Variants in ADAMTS12 observed in about 807,000 individuals in gnomAD.
ADAMTS12 encodes A disintegrin and metalloproteinase with thrombospondin motifs 12.
In ADAMTS12, 118 loss-of-function variants were observed where a neutral mutation model predicts 167.8. That is an observed-to-expected ratio of 0.70 (90% CI 0.61 to 0.82). The LOEUF (loss-of-function observed/expected upper bound fraction) is 0.82, where lower values mean the gene tolerates loss of function less well. Ranked by LOEUF, ADAMTS12 falls within the 40% of genes least tolerant of loss-of-function variation. The pLI, the probability that ADAMTS12 is intolerant of heterozygous loss-of-function variation, is 0.00. For missense variants in ADAMTS12, 1,916 were observed against 1,998.8 expected (o/e 0.96, Z 0.79); for synonymous variants, 704 against 716.9 (o/e 0.98, Z 0.29).
chr5:33,647,278 C>T (rs960596948), intron 9 of ADAMTS12, among the ~76,000 whole-genome samples: 2 of 152,148 alleles, frequency 1.3e-5, no homozygotes, highest in African/African-American at 4.8e-5. Context: ...AGATATTCTA[C>T]TCACAGGGGA....
At position 33,649,563 on chromosome 5, in the gene ADAMTS12, C is replaced by G; in HGVS notation, c.1325G>C (p.Arg442Pro). ...WSKCSEEYIT[R>P]FLDRGWGFCL... Reference sequence around the variant, plus strand: ...AGACACTGTCACTTACTCCAAGAAGCGGGTGATGTACTCCTCGCTGCACTT... The same window carrying G: ...AGACACTGTCACTTACTCCAAGAAGGGGGTGATGTACTCCTCGCTGCACTT... Residue 442 changes from arginine to proline, a missense_variant, in exon 8 of 24, where the codon CGC (arginine) becomes CCC (proline). By Grantham distance (103) the Arg-to-Pro change is moderately radical. Transcript: ENST00000504830. The G allele has an allele frequency of 1.9e-6, 3 of 1,613,254 alleles. No individual in the cohort carries two copies. The highest frequency in any genetic ancestry group is 2.5e-6 in the Non-Finnish European group (3 of 1,179,532).
chr5:33,624,300 C>A lies in ADAMTS12; in HGVS notation c.2074G>T (p.Gly692Cys). 6.2e-7 allele frequency: 1 copy of A among 1,614,064 alleles called. No individual in the cohort carries two copies. Among genetic ancestry groups the A allele is most frequent in the Non-Finnish European group, 8.5e-7 (1 of 1,179,952 alleles). ...IDSNATEDRC[G>C]VCLGDGSSCQ... The stretch of plus-strand genomic sequence containing the variant: ...GAAGAGCCATCTCCCAGGCACACAC[C>A]GCAGCGATCCTCGGTGGCATTGGAA... Residue 692 changes from glycine to cysteine, a missense_variant, in exon 14 of 24, where the codon GGT (glycine) becomes TGT (cysteine). Coordinates refer to ENST00000504830, the MANE Select transcript of ADAMTS12 (RefSeq NM_030955.4).
At position 33,614,343 on chromosome 5, in the gene ADAMTS12, ACTTGATGCCAGGGTTAGTCAC is replaced by A; in HGVS notation, c.2401_2421del (p.Val801_Lys807del). The A allele has an allele frequency of 6.2e-7, 1 of 1,614,100 alleles. No homozygotes were observed. The highest frequency in any genetic ancestry group is 8.5e-7 in the Non-Finnish European group (1 of 1,179,972). On this transcript the variant is annotated inframe_deletion, in exon 16 of 24. Transcript: ENST00000504830. Reference sequence around the variant, plus strand: ...CCATCTTTCTGGATTGTGTACTCATACTTGATGCCAGGGTTAGTCACCTGGAATAGAAGCTAAAAGGCAAGA... The same window carrying A: ...CCATCTTTCTGGATTGTGTACTCATACTGGAATAGAAGCTAAAAGGCAAGA...
At chr5:33,569,254 G>C (rs570021120) in intron 19 of ADAMTS12, among the ~76,000 whole-genome samples, 1 of 152,356 alleles carries the variant, frequency 6.6e-6, no homozygotes, top group South Asian at 2.1e-4. Flanking sequence ...CGTTCTCCCA[G>C]CACGCAGCTG....
At chr5:33,863,457 A>G (rs1749697459) in intron 2 of ADAMTS12, among the ~76,000 whole-genome samples, 1 of 152,182 alleles carries the variant, frequency 6.6e-6, no homozygotes, top group South Asian at 2.1e-4. Flanking sequence ...CTACAAAGAG[A>G]ATAAAATACC....
intron 10 of ADAMTS12, among the ~76,000 whole-genome samples, 165 bp downstream of exon 10, chr5:33,643,213 C>T (rs879004063): frequency 6.6e-6 from 1 of 152,204 alleles, no homozygotes; most frequent in East Asian, 1.9e-4. Context: ...AGCAGGTTCA[C>T]CAGGAGTGGT....
At chr5:33,883,348 T>G (rs542673933) in intron 1 of ADAMTS12, among the ~76,000 whole-genome samples, 21 of 146,676 alleles carry the variant, frequency 1.4e-4, no homozygotes, top group South Asian at 4.4e-4. Context: ...TTTTGTTTTT[T>G]TTTTTTCCAG....
At chr5:33,597,716 A>C (rs1225503881) in intron 16 of ADAMTS12, among the ~76,000 whole-genome samples, 1 of 152,144 alleles carries the variant, frequency 6.6e-6, no homozygotes, top group African/African-American at 2.4e-5. Context: ...TGTTTTCAAG[A>C]GACAAGTAAA....
At chr5:33,723,213 T>A (rs1375722051) in intron 3 of ADAMTS12, among the ~76,000 whole-genome samples, 1 of 152,202 alleles carries the variant, frequency 6.6e-6, no homozygotes, top group Non-Finnish European at 1.5e-5. Context: ...TAATCTCAGG[T>A]CTTGTGTAAA....
chr5:33,588,575 T>G (rs1747474291), intron 18 of ADAMTS12, 24 bp downstream of exon 18: 1 of 1,610,562 alleles, frequency 6.2e-7, no homozygotes, highest in African/African-American at 1.3e-5. Flanking sequence ...TAATGCCAGT[T>G]TCCCCGCCGA....
intron 17 of ADAMTS12, 52 bp downstream of exon 17, chr5:33,595,882 C>A: frequency 6.2e-7 from 1 of 1,607,460 alleles, no homozygotes; most frequent in South Asian, 1.1e-5. Flanking sequence ...ACTCTTGAGT[C>A]AGACATCACT....
At chr5:33,632,664 G>A (rs1740003687) in intron 12 of ADAMTS12, among the ~76,000 whole-genome samples, 1 of 152,114 alleles carries the variant, frequency 6.6e-6, no homozygotes, top group African/African-American at 2.4e-5. Context: ...AGTACTAAAG[G>A]GAGCAACCTG....
chr5:33,720,278 T>TCACACA (rs879939993), intron 3 of ADAMTS12, among the ~76,000 whole-genome samples: 4 of 83,210 alleles, frequency 4.8e-5, no homozygotes, highest in Admixed American at 2.6e-4. Flanking sequence ...TCTCTCTCTC[T>TCACACA]CTCACTCACA....
chr5:33,880,994 A>C, intron 2 of ADAMTS12, 125 bp downstream of exon 2: 1 of 1,399,342 alleles, frequency 7.1e-7, no homozygotes, highest in Non-Finnish European at 9.6e-7. Flanking sequence ...GGAGGCCAGG[A>C]TCATCACATC....
At chr5:33,829,540 T>C (rs1748217685) in intron 2 of ADAMTS12, among the ~76,000 whole-genome samples, 1 of 152,186 alleles carries the variant, frequency 6.6e-6, no homozygotes, top group Admixed American at 6.5e-5. Context: ...AAATTCAGCC[T>C]GGAAGTTAAG....
intron 3 of ADAMTS12, among the ~76,000 whole-genome samples, chr5:33,719,230 A>G (rs979318193): frequency 1.3e-5 from 2 of 152,218 alleles, no homozygotes; most frequent in South Asian, 4.1e-4. Flanking sequence ...AGTATGCAAA[A>G]TATATGCCAC....
intron 16 of ADAMTS12, among the ~76,000 whole-genome samples, chr5:33,598,364 AT>A (rs1170951886): frequency 8.5e-5 from 13 of 152,192 alleles, no homozygotes; most frequent in African/African-American, 3.1e-4. Flanking sequence ...GTAAAATTTA[AT>A]TTATCAATTC....
intron 19 of ADAMTS12, among the ~76,000 whole-genome samples, chr5:33,569,589 C>T (rs1163220194): frequency 6.6e-6 from 1 of 152,138 alleles, no homozygotes; most frequent in Non-Finnish European, 1.5e-5. Context: ...ACAAAAAACC[C>T]ATCTGTACAT....
Position 33,844,220 on chromosome 5 carries a change from A to T in ADAMTS12, c.489+36899T>A, listed in dbSNP as rs557999653. On this transcript the variant is annotated intron_variant, in intron 2 of 23. Transcript: ENST00000504830. ...TGCAGAGCATGTGTGTTTGAACAAT[A>T]TGAAATCTGGGCACCTTGAAAAAAG... Among the ~76,000 whole-genome samples the T allele has an allele frequency of 3.1e-4, 47 of 152,342 alleles. 1 individual carries two copies. The South Asian group carries it at 9.3e-3, about 30-fold the overall frequency.
Sources: gnomAD v4.1 joint callset for allele counts (sites outside exome capture counted in the v4.1 genomes callset) on GRCh38, gnomAD v4.1.1 for gene constraint, MANE v1.5 for transcripts, NCBI Gene and HGNC (gene_info 2026-07-23, HGNC 2026-07-21) for gene names.